The following KDM1A variants were observed in gnomAD, a reference collection of about 807,000 sequenced individuals.
The protein encoded by KDM1A is lysine demethylase 1A.
Under a neutral mutation model 109.4 loss-of-function variants are expected in KDM1A, and 49 were observed. The observed-to-expected ratio is 0.45, with a 90% confidence interval of 0.36 to 0.57. The LOEUF (loss-of-function observed/expected upper bound fraction) is 0.57. Among genes scored for constraint, KDM1A ranks in the 20% least tolerant of loss-of-function variants. The pLI is 0.00. For synonymous variants in KDM1A, 380 were observed against 415.4 expected (o/e 0.91, Z 1.04); for missense variants, 668 against 1,116.6 (o/e 0.60, Z 5.73).
At chr1:23,073,681 A>G (rs1643382674) in intron 15 of KDM1A, among the ~76,000 whole-genome samples, 1 of 152,216 alleles carries the variant, frequency 6.6e-6, no homozygotes, top group Non-Finnish European at 1.5e-5. Context: ...GGCCCTGGAC[A>G]ACCACTGATT....
intron 1 of KDM1A, among the ~76,000 whole-genome samples, chr1:23,030,046 A>G (rs1401441511): frequency 1.3e-5 from 2 of 152,074 alleles, no homozygotes; most frequent in Non-Finnish European, 2.9e-5. Context: ...TTTTTTTGCT[A>G]TTTTCCCCTG....
chr1:23,054,909 C>G lies in KDM1A; in HGVS notation c.791-160C>G, dbSNP rs376587161. ...CCAAAGCCACTAAGATTGTGTGCAT[C>G]AGCCACCGTGCCCAGCCTTAGAATT... On this transcript the variant is annotated intron_variant, in intron 5 of 20. Transcript: ENST00000400181. Among the ~76,000 whole-genome samples, 112 of 152,272 alleles carry G rather than the reference C, an allele frequency of 7.4e-4. No individual in the cohort carries two copies. The South Asian group carries it at 0.022, about 30-fold the overall frequency.
intron 1 of KDM1A, among the ~76,000 whole-genome samples, chr1:23,024,900 T>A (rs1051827478): frequency 1.3e-5 from 2 of 152,212 alleles, no homozygotes; most frequent in Non-Finnish European, 2.9e-5. Flanking sequence ...ATTAAGATAC[T>A]ACCAGTGGAG....
At chr1:23,059,216 A>G (rs1642927308) in intron 9 of KDM1A, 49 bp downstream of exon 9, 1 of 1,410,070 alleles carries the variant, frequency 7.1e-7, no homozygotes, top group South Asian at 1.2e-5. Flanking sequence ...GTTCACTTGA[A>G]AACAATTTTA....
intron 9 of KDM1A, among the ~76,000 whole-genome samples, chr1:23,060,494 G>A (rs1185024465): frequency 2.0e-5 from 3 of 152,150 alleles, no homozygotes; most frequent in Admixed American, 1.3e-4. Flanking sequence ...GAAAGCCAAG[G>A]ATTAGATAGA....
At position 23,056,444 on chromosome 1, in the gene KDM1A, T is replaced by C. The variant is rs116046374; in HGVS notation, c.990+406T>C. ...CATCTTTTAGAAGCCAAGATACTGG[T>C]TTTTTTCCTGTTAGTCCTAGAGAGA... On this transcript the variant is annotated intron_variant, in intron 7 of 20. Transcript: ENST00000400181. Among the ~76,000 whole-genome samples, 357 of 151,914 alleles carry C rather than the reference T, an allele frequency of 2.4e-3. 5 individuals carry two copies. Among genetic ancestry groups the C allele is most frequent in the African/African-American group, 8.1e-3 (334 of 41,468 alleles).
intron 9 of KDM1A, chr1:23,059,379 G>A (rs756118976): frequency 3.2e-6 from 2 of 627,696 alleles, no homozygotes; most frequent in Non-Finnish European, 6.0e-6. Flanking sequence ...ACATTTACCT[G>A]TCTGTTTAAC....
In KDM1A at chr1:23,076,777, C is replaced by T. The variant is rs539331734; in HGVS notation, c.1735-451C>T. Reference sequence around the variant, plus strand: ...AGGAGTTTGAGACCAGCCTAGCCAACGTGGTGAAACCCCGTCTCTACTAAA... The same window carrying T: ...AGGAGTTTGAGACCAGCCTAGCCAATGTGGTGAAACCCCGTCTCTACTAAA... On this transcript the variant is annotated intron_variant, in intron 15 of 20. Coordinates refer to ENST00000400181, the MANE Select transcript of KDM1A (RefSeq NM_001009999.3). Among the ~76,000 whole-genome samples the T allele has an allele frequency of 2.2e-3, 333 of 151,982 alleles. 1 individual carries two copies. The highest frequency in any genetic ancestry group is 7.4e-3 in the African/African-American group (305 of 41,336).
chr1:23,053,896 C>A, intron 5 of KDM1A, 57 bp downstream of exon 5: 1 of 900,442 alleles, frequency 1.1e-6, no homozygotes, highest in Non-Finnish European at 1.9e-6. Flanking sequence ...TTGATACGTT[C>A]TTCTAGGAGC....
intron 15 of KDM1A, 114 bp from the exon 16 acceptor site, chr1:23,077,114 T>C (rs1643488819): frequency 2.0e-5 from 20 of 1,017,866 alleles, no homozygotes; most frequent in Admixed American, 9.9e-5. Flanking sequence ...TAGTTTGCCT[T>C]AAAATATTGA....
chr1:23,042,464 T>TTTTTTTTTTG, intron 2 of KDM1A, among the ~76,000 whole-genome samples: 1 of 121,520 alleles, frequency 8.2e-6, no homozygotes, highest in Admixed American at 8.4e-5. Context: ...TTTTTTTTTT[T>TTTTTTTTTTG]TTTTTTGAGA....
At chr1:23,028,695 T>G (rs893661820) in intron 1 of KDM1A, among the ~76,000 whole-genome samples, 3 of 152,132 alleles carry the variant, frequency 2.0e-5, no homozygotes. Context: ...TCTCCCCCTT[T>G]GAAACTTTTT....
rs1331745866 is a variant in KDM1A, at chr1:23,079,011, A to G, written c.1889A>G (p.Asn630Ser). The G allele has an allele frequency of 6.2e-7, 1 of 1,614,090 alleles. No homozygotes were observed. Among genetic ancestry groups the G allele is most frequent in the Admixed American group, 1.7e-5 (1 of 60,026 alleles). The part of the protein sequence containing the change: ...TASGCEVIAV[N>S]TRSTSQTFIY... ...GCAGGATGTGAAGTGATAGCTGTGA[A>G]TACCCGCTCCACGAGTCAAACCTTT... The change falls in exon 17 of 21, where the codon AAT becomes AGT. Residue 630 changes from asparagine to serine, a missense_variant. Around this residue, in one of 8 missense-constraint regions of KDM1A, gnomAD observed 162 missense variants for 376.4 expected, o/e 0.43. Coordinates refer to ENST00000400181, the MANE Select transcript of KDM1A (RefSeq NM_001009999.3). This position sits in a 1 kb window ranked among gnomAD's most constrained non-coding sequence, Gnocchi z 5.6.
rs1641548665 is a variant in KDM1A at position 23,019,678 on chromosome 1, G to A, written c.82G>A (p.Ala28Thr). 2.2e-6 allele frequency: 3 copies of A among 1,367,024 alleles called. No individual in the cohort carries two copies. The South Asian group carries it at 5.4e-5, about 24-fold the overall frequency. 84.7% of individuals were successfully genotyped at this position (1,367,024 alleles called of 1,614,324 possible). Reference protein sequence around the residue: ...ATGTEAGPGTAGGSENGSEVA... With the variant: ...ATGTEAGPGTTGGSENGSEVA... ...CGGGACGGAGGCTGGCCCTGGGACAGCAGGCGGCTCCGAGAACGGGTCTGA... is the reference window on the plus strand; with the variant it reads ...CGGGACGGAGGCTGGCCCTGGGACAACAGGCGGCTCCGAGAACGGGTCTGA... The change falls in exon 1 of 21, where the codon GCA becomes ACA. Residue 28 changes from alanine to threonine, a missense_variant. Around this residue, in one of 8 missense-constraint regions of KDM1A, gnomAD observed 156 missense variants for 163.4 expected, o/e 0.95. Coordinates refer to ENST00000400181, the MANE Select transcript of KDM1A (RefSeq NM_001009999.3).
Position 23,019,987 on chromosome 1 carries a change from C to T in KDM1A, c.351+40C>T, listed in dbSNP as rs1417932761. ...TTCCCTCAAACGACACCGCCTGGTGCCGAGCTTCCCCGAGGCTTCTCCGCC... is the reference window on the plus strand; with the variant it reads ...TTCCCTCAAACGACACCGCCTGGTGTCGAGCTTCCCCGAGGCTTCTCCGCC... On this transcript the variant is annotated intron_variant, in intron 1 of 20. Coordinates refer to ENST00000400181, the MANE Select transcript of KDM1A (RefSeq NM_001009999.3). 2.8e-6 allele frequency: 4 copies of T among 1,430,490 alleles called. No homozygotes were observed. In the South Asian group the frequency reaches 4.4e-5, roughly 16 times the overall value. 88.6% of individuals were successfully genotyped at this position (1,430,490 alleles called of 1,614,324 possible). A position where few individuals can be genotyped will look rare whatever the true frequency, so the allele number is the denominator to read the frequency against.
intron 3 of KDM1A, among the ~76,000 whole-genome samples, chr1:23,048,133 T>C (rs1350362259): frequency 6.6e-6 from 1 of 152,152 alleles, no homozygotes; most frequent in East Asian, 1.9e-4. Context: ...TAATAGTATA[T>C]ACTTATGAAT....
intron 2 of KDM1A, among the ~76,000 whole-genome samples, chr1:23,040,911 T>C (rs772821737): frequency 2.0e-5 from 3 of 152,218 alleles, no homozygotes; most frequent in Non-Finnish European, 4.4e-5. Flanking sequence ...ATCAAGGTGA[T>C]ATTACAAAGT....
Position 23,078,983 on chromosome 1 carries a change from T to G in KDM1A, c.1868-7T>G, listed in dbSNP as rs753175092. 1.2e-6 allele frequency: 2 copies of G among 1,611,244 alleles called. No homozygotes were observed. ...ACCACTAGTCTTTTCCCACCCAACC[T>G]CTGCAGGATGTGAAGTGATAGCTGT... is the stretch of plus-strand genomic sequence containing the variant. On this transcript the variant is annotated splice_region_variant and splice_polypyrimidine_tract_variant and intron_variant, in intron 16 of 20. Transcript: ENST00000400181.
intron 2 of KDM1A, among the ~76,000 whole-genome samples, chr1:23,037,277 C>G (rs973163507): frequency 1.4e-5 from 2 of 146,032 alleles, no homozygotes; most frequent in African/African-American, 5.1e-5. Flanking sequence ...GCACTCCAGC[C>G]TGGGTGATAG....
Sources: gnomAD v4.1 joint callset for allele counts (sites outside exome capture counted in the v4.1 genomes callset) on GRCh38, gnomAD v4.1.1 for gene constraint, gnomAD v4.1.1 regional missense constraint, Gnocchi (gnomAD v3.1) non-coding constraint, MANE v1.5 for transcripts, NCBI Gene and HGNC (gene_info 2026-07-23, HGNC 2026-07-21) for gene names.